The following STIP1 variants were observed in gnomAD, a reference collection of about 807,000 sequenced individuals.
STIP1 encodes the protein stress induced phosphoprotein 1, also known as stress-induced-phosphoprotein 1.
In STIP1, 16 loss-of-function variants were observed where a neutral mutation model predicts 77.4. The ratio of observed to expected loss-of-function variants is 0.21; its 90% CI spans 0.14 to 0.31. STIP1 has a LOEUF of 0.31. Among genes scored for constraint, STIP1 ranks in the 10% least tolerant of loss-of-function variants. The pLI is 1.00. For synonymous variants in STIP1, 258 were observed against 246.6 expected, an observed-to-expected ratio of 1.05 and a Z score of -0.44; for missense variants, 524 against 684.8, an observed-to-expected ratio of 0.77 and a Z score of 2.62.
rs1387504018 is a variant in STIP1 at position 64,204,275 on chromosome 11, G to A, written c.*149G>A. 13 of 762,908 alleles carry A rather than the reference G, an allele frequency of 1.7e-5. No individual in the cohort carries two copies. Among genetic ancestry groups the A allele is most frequent in the Middle Eastern group, 3.7e-4 (1 of 2,706 alleles). 47.3% of individuals were successfully genotyped at this position (762,908 alleles called of 1,614,324 possible). ...AACCCCGGGGAAGACACAGAGACTC[G>A]TACCTGCGCTGTTTGTGCCGCCGCT... On this transcript the variant is annotated 3_prime_UTR_variant, in exon 14 of 14. Transcript: ENST00000305218.
intron 1 of STIP1, among the ~76,000 whole-genome samples, chr11:64,186,909 G>C (rs536587961): frequency 1.2e-4 from 18 of 152,306 alleles, no homozygotes; most frequent in South Asian, 4.1e-4. Context: ...GGAAAGGGAA[G>C]GGTGCCGCAA....
At chr11:64,201,712 C>T (rs1946221270) in intron 10 of STIP1, among the ~76,000 whole-genome samples, 1 of 152,142 alleles carries the variant, frequency 6.6e-6, no homozygotes, top group Admixed American at 6.6e-5. Context: ...GTGCAAGAGT[C>T]ATGTCAAAAG....
At chr11:64,203,973 G>C in intron 13 of STIP1, 81 bp from the exon 14 acceptor site, 1 of 1,528,570 alleles carries the variant, frequency 6.5e-7, no homozygotes. Context: ...TCTGTAGAGG[G>C]GGTTGAATTG....
intron 2 of STIP1, 75 bp from the exon 3 acceptor site, chr11:64,194,114 T>G (rs1296697403): frequency 1.3e-6 from 2 of 1,549,858 alleles, no homozygotes; most frequent in South Asian, 1.2e-5. Flanking sequence ...AAAGTAGAAT[T>G]GTTCTTTTTT....
At position 64,195,829 on chromosome 11, in the gene STIP1, C is replaced by T; in HGVS notation, c.672+16C>T. ...TAAGAAGCAGGTCTTGTTTTTTTCT[C>T]TCCTCACTGTCACCTATCTATAAAC... On this transcript the variant is annotated intron_variant, in intron 5 of 13. Coordinates refer to ENST00000305218, the MANE Select transcript of STIP1 (RefSeq NM_006819.3). The T allele has an allele frequency of 6.2e-7, 1 of 1,613,946 alleles. No individual in the cohort carries two copies. Among genetic ancestry groups the T allele is most frequent in the African/African-American group, 1.3e-5 (1 of 75,000 alleles).
intron 10 of STIP1, 151 bp downstream of exon 10, chr11:64,200,444 G>T (rs1162698289): frequency 1.5e-6 from 2 of 1,297,432 alleles, no homozygotes; most frequent in Non-Finnish European, 2.1e-6. Context: ...TGAGGAGCTA[G>T]GACCACAGGC....
At chr11:64,203,967 T>G in intron 13 of STIP1, 87 bp from the exon 14 acceptor site, 2 of 1,493,248 alleles carry the variant, frequency 1.3e-6, no homozygotes, top group Non-Finnish European at 1.9e-6. Context: ...GGGCCTTCTG[T>G]AGAGGGGGTT....
chr11:64,204,378 G>A lies in STIP1; in HGVS notation c.*252G>A, dbSNP rs972670146. On this transcript the variant is annotated 3_prime_UTR_variant, in exon 14 of 14. Transcript: ENST00000305218. ...TCCATGTCTCTTTCCCCTGCCCCTA[G>A]TTGCTGTCTCGGCTGCTCTCCCATA... 2.1e-6 allele frequency: 1 copy of A among 481,826 alleles called. No homozygotes were observed. Among genetic ancestry groups the A allele is most frequent in the Non-Finnish European group, 3.6e-6 (1 of 274,728 alleles). The allele number at this position is 481,826 out of a possible 1,614,324, so 29.8% of individuals were successfully genotyped here. A position where few individuals can be genotyped will look rare whatever the true frequency, so the allele number is the denominator to read the frequency against.
At chr11:64,191,665 T>A (rs1293115525) in intron 1 of STIP1, among the ~76,000 whole-genome samples, 1 of 152,020 alleles carries the variant, frequency 6.6e-6, no homozygotes, top group East Asian at 1.9e-4. Context: ...TCAGGTAGGC[T>A]GCTGTGGGGC....
intron 1 of STIP1, among the ~76,000 whole-genome samples, chr11:64,190,380 T>C (rs1946079301): frequency 6.6e-6 from 1 of 152,126 alleles, no homozygotes; most frequent in African/African-American, 2.4e-5. Flanking sequence ...TTTCTCCATG[T>C]TGAGGCTGGT....
chr11:64,199,517 A>G (rs1223308042), intron 8 of STIP1, among the ~76,000 whole-genome samples: 4 of 145,198 alleles, frequency 2.8e-5, no homozygotes, highest in Non-Finnish European at 6.0e-5. Context: ...AAAAAAAAAA[A>G]AGAAAAAAAT....
At chr11:64,190,481 A>G (rs1946080368) in intron 1 of STIP1, among the ~76,000 whole-genome samples, 2 of 151,320 alleles carry the variant, frequency 1.3e-5, no homozygotes, top group Non-Finnish European at 3.0e-5. Context: ...GCAGCAGCTA[A>G]TTTTTGTATT....
At chr11:64,195,596 TG>T in intron 4 of STIP1, 48 bp from the exon 5 acceptor site, 1 of 1,502,496 alleles carries the variant, frequency 6.7e-7, no homozygotes. Context: ...AGACTAATTG[TG>T]GGGAGGAGTA....
intron 5 of STIP1, 102 bp downstream of exon 5, chr11:64,195,915 T>C (rs544990987): frequency 2.0e-5 from 31 of 1,533,770 alleles, no homozygotes; most frequent in Non-Finnish European, 2.6e-5. Flanking sequence ...ATGATTATTA[T>C]GGTTTTTTTA....
intron 1 of STIP1, among the ~76,000 whole-genome samples, chr11:64,189,805 C>G (rs983432540): frequency 2.0e-5 from 3 of 152,174 alleles, no homozygotes; most frequent in African/African-American, 7.2e-5. Flanking sequence ...AAAGCATAGG[C>G]AGGAACTTCA....
In STIP1 at chr11:64,204,182, G is replaced by T. The variant is rs370753483; in HGVS notation, c.*56G>T. 1.9e-6 allele frequency: 3 copies of T among 1,580,980 alleles called. No homozygotes were observed. Among genetic ancestry groups the T allele is most frequent in the Non-Finnish European group, 1.7e-6 (2 of 1,151,310 alleles). On this transcript the variant is annotated 3_prime_UTR_variant, in exon 14 of 14. Transcript: ENST00000305218. Reference sequence around the variant, plus strand: ...TCATGTGGAAAGAGGAGCTGGGACCGCGGCGAGCAGCACGGAGCGGAAGGG... The same window carrying T: ...TCATGTGGAAAGAGGAGCTGGGACCTCGGCGAGCAGCACGGAGCGGAAGGG...
At chr11:64,200,803 T>C (rs1395367910) in intron 10 of STIP1, among the ~76,000 whole-genome samples, 4 of 152,062 alleles carry the variant, frequency 2.6e-5, no homozygotes, top group African/African-American at 7.3e-5. Context: ...TGTCTGTGTT[T>C]ACTTTTTTTG....
upstream of STIP1, chr11:64,185,851 G>A (rs1485335654): frequency 3.3e-6 from 5 of 1,536,052 alleles, no homozygotes; most frequent in South Asian, 4.8e-5. Flanking sequence ...CAATGGGAGA[G>A]GTGGAAATTT....
chr11:64,198,288 C>T (rs1423720079), intron 8 of STIP1, among the ~76,000 whole-genome samples: 1 of 151,964 alleles, frequency 6.6e-6, no homozygotes, highest in Non-Finnish European at 1.5e-5. Context: ...TGTCTGCTCA[C>T]TGCAACCTCC....
Sources: gnomAD v4.1 joint callset for allele counts (sites outside exome capture counted in the v4.1 genomes callset) on GRCh38, gnomAD v4.1.1 for gene constraint, MANE v1.5 for transcripts, NCBI Gene and HGNC (gene_info 2026-07-23, HGNC 2026-07-21) for gene names.